The following SYT7 variants were observed in gnomAD, a reference collection of about 807,000 sequenced individuals.
The protein encoded by SYT7 is synaptotagmin-7.
In SYT7, 29 loss-of-function variants were observed where a neutral mutation model predicts 75.1. The observed-to-expected ratio is 0.39, with a 90% CI of 0.29 to 0.53. The LOEUF is 0.53. SYT7 is among the 20% of genes least tolerant of loss of function. The probability of loss-of-function intolerance (pLI) is 0.77; values close to 1 mark genes in which losing one functional copy is unlikely to be tolerated. For synonymous variants in SYT7, 376 were observed against 401.7 expected (o/e 0.94, Z 0.76); for missense variants, 693 against 953.2 (o/e 0.73, Z 3.59).
rs1268280001 is a variant in SYT7 at position 61,524,920 on chromosome 11, G to C, written c.1472-388C>G. 5.8e-6 allele frequency: 1 copy of C among 171,740 alleles called. No individual in the cohort carries two copies. The highest frequency in any genetic ancestry group is 1.3e-5 in the Non-Finnish European group (1 of 79,162). The allele number at this position is 171,740 out of a possible 1,614,324, so 10.6% of individuals were successfully genotyped here. On this transcript the variant is annotated intron_variant, in intron 9 of 12. Transcript: ENST00000539008. The surrounding 1 kb of genome is among the most constrained non-coding windows in gnomAD (Gnocchi z 4.1). ...GTCCCGAGGCGGGTCTGGGCAAGTGGCTCTGTCTAGGTGGCCACAGCTGCC... is the reference window on the plus strand; with the variant it reads ...GTCCCGAGGCGGGTCTGGGCAAGTGCCTCTGTCTAGGTGGCCACAGCTGCC...
chr11:61,564,223 C>T (rs577591987), intron 1 of SYT7, among the ~76,000 whole-genome samples: 1 of 152,294 alleles, frequency 6.6e-6, no homozygotes, highest in Admixed American at 6.5e-5. Flanking sequence ...GCTCTTTCCC[C>T]CAGAATTCAT....
chr11:61,535,902 G>C (rs1235676353), intron 7 of SYT7, among the ~76,000 whole-genome samples: 3 of 152,160 alleles, frequency 2.0e-5, no homozygotes, highest in Non-Finnish European at 4.4e-5. Flanking sequence ...AAAGGCTGAA[G>C]AGGGAGGGAC....
rs1365755001 is a variant in SYT7, at chr11:61,580,377, G to C, written c.31+413C>G. Among the ~76,000 whole-genome samples the C allele has an allele frequency of 2.6e-5, 4 of 152,082 alleles. No individual in the cohort carries two copies. The South Asian group carries it at 6.2e-4, about 24-fold the overall frequency. On this transcript the variant is annotated intron_variant, in intron 1 of 12. Coordinates refer to ENST00000539008, the MANE Select transcript of SYT7 (RefSeq NM_001365809.2). This position sits in a 1 kb window ranked among gnomAD's most constrained non-coding sequence, Gnocchi z 6.1. ...CCCCTGTGCCCGCAACCTTGGCCAA[G>C]AGCTGCCGGGATCCTCGCCCTGGGG... is the stretch of plus-strand genomic sequence containing the variant.
chr11:61,536,915 GAC>G (rs1313390341), intron 7 of SYT7, among the ~76,000 whole-genome samples: 1 of 152,190 alleles, frequency 6.6e-6, no homozygotes, highest in African/African-American at 2.4e-5. Context: ...CAGTTCACAG[GAC>G]ACATGCCCCA....
At chr11:61,559,634 TC>T (rs1418510215) in intron 1 of SYT7, among the ~76,000 whole-genome samples, 2 of 151,400 alleles carry the variant, frequency 1.3e-5, no homozygotes, top group Non-Finnish European at 2.9e-5. Context: ...CTCTCCACAC[TC>T]CCCCCTCCCC....
chr11:61,584,494 C>T (rs953184922), upstream of SYT7, among the ~76,000 whole-genome samples: 1 of 152,076 alleles, frequency 6.6e-6, no homozygotes, highest in East Asian at 1.9e-4. Context: ...ATTTGTTTAC[C>T]CTTAACAGAG....
rs780798351 is a variant in SYT7 at position 61,524,074 on chromosome 11, C to G, written c.1642-133G>C. The G allele has an allele frequency of 4.7e-5, 40 of 848,282 alleles. No individual in the cohort carries two copies. Among genetic ancestry groups the G allele is most frequent in the Non-Finnish European group, 7.0e-5 (37 of 529,620 alleles). The allele number at this position is 848,282 out of a possible 1,614,324, so 52.5% of individuals were successfully genotyped here. ...CCCTGTCTGTCACCTCTGTCTCACTCTGTCTCCCCCCATCTGGCAGGTGTG... is the reference window on the plus strand; with the variant it reads ...CCCTGTCTGTCACCTCTGTCTCACTGTGTCTCCCCCCATCTGGCAGGTGTG... On this transcript the variant is annotated intron_variant, in intron 10 of 12. Coordinates refer to ENST00000539008, the MANE Select transcript of SYT7 (RefSeq NM_001365809.2). The surrounding 1 kb of genome is among the most constrained non-coding windows in gnomAD (Gnocchi z 4.1).
chr11:61,538,389 A>AC, intron 6 of SYT7, 123 bp from the exon 7 acceptor site: 9 of 252,436 alleles, frequency 3.6e-5, no homozygotes, highest in Non-Finnish European at 5.2e-5. Context: ...GAGAGAGAGA[A>AC]AGAGAGAGAG....
intron 5 of SYT7, among the ~76,000 whole-genome samples, chr11:61,544,264 A>G (rs755828257): frequency 3.9e-5 from 6 of 152,018 alleles, no homozygotes; most frequent in African/African-American, 7.3e-5. Flanking sequence ...CACCTTCACC[A>G]CCGCAACCAG....
chr11:61,535,899 G>A (rs1021180232), intron 7 of SYT7, among the ~76,000 whole-genome samples: 1 of 152,160 alleles, frequency 6.6e-6, no homozygotes, highest in Non-Finnish European at 1.5e-5. Context: ...AGGAAAGGCT[G>A]AAGAGGGAGG....
At chr11:61,562,649 T>G (rs750873950) in intron 1 of SYT7, among the ~76,000 whole-genome samples, 29 of 152,106 alleles carry the variant, frequency 1.9e-4, no homozygotes, top group Admixed American at 5.2e-4. Flanking sequence ...ATTACTCAAT[T>G]TTGTGCACCC....
Position 61,523,067 on chromosome 11 carries a change from G to C in SYT7, c.1956+8C>G, listed in dbSNP as rs756572923. 1.2e-6 allele frequency: 2 copies of C among 1,613,914 alleles called. No individual in the cohort carries two copies. The highest frequency in any genetic ancestry group is 3.3e-5 in the Admixed American group (2 of 60,016). On this transcript the variant is annotated splice_region_variant and intron_variant, in intron 12 of 12. Coordinates refer to ENST00000539008, the MANE Select transcript of SYT7 (RefSeq NM_001365809.2). The surrounding 1 kb of genome is among the most constrained non-coding windows in gnomAD (Gnocchi z 5.0). ...GCAGGTGCACCACACCACCTGCCTC[G>C]CCCCTACCTTGCCGATGACGTCATT...
intron 1 of SYT7, among the ~76,000 whole-genome samples, chr11:61,558,712 T>C (rs1442531196): frequency 6.6e-6 from 1 of 152,040 alleles, no homozygotes; most frequent in Non-Finnish European, 1.5e-5. Flanking sequence ...CCAAAAGACC[T>C]GAGAAAAAAG....
chr11:61,549,196 C>T (rs1279013789), intron 3 of SYT7, among the ~76,000 whole-genome samples: 2 of 152,122 alleles, frequency 1.3e-5, no homozygotes, highest in African/African-American at 4.8e-5. Context: ...CACCCAGAGT[C>T]ACCACTGCCA....
At position 61,546,223 on chromosome 11, in the gene SYT7, G is replaced by A; in HGVS notation, c.380C>T (p.Ala127Val). Residue 127 changes from alanine to valine, a missense_variant, in exon 5 of 13, where the codon GCC (alanine) becomes GTC (valine). By Grantham distance (64) the Ala-to-Val change is moderately conservative (BLOSUM62 0). Transcript: ENST00000539008. This position sits in a 1 kb window ranked among gnomAD's most constrained non-coding sequence, Gnocchi z 7.6. ...CCGCTCCACCGCCAGCCCCGCCGCG[G>A]CGGCCACTTTGGCGCCCGACAGGAG... ...GTLLSGAKVA[A>V]AAGLAVEREG... 1 of 1,466,336 alleles carries A rather than the reference G, an allele frequency of 6.8e-7. No individual in the cohort carries two copies. The highest frequency in any genetic ancestry group is 1.5e-5 in the African/African-American group (1 of 68,128). The allele number at this position is 1,466,336 out of a possible 1,614,324, so 90.8% of individuals were successfully genotyped here.
At chr11:61,574,420 A>G (rs1187191168) in intron 1 of SYT7, among the ~76,000 whole-genome samples, 1 of 152,210 alleles carries the variant, frequency 6.6e-6, no homozygotes, top group Non-Finnish European at 1.5e-5. Context: ...CTGGAGGCAC[A>G]TATGTAAAGT....
intron 1 of SYT7, among the ~76,000 whole-genome samples, chr11:61,571,370 C>A (rs1293871319): frequency 6.6e-6 from 1 of 152,242 alleles, no homozygotes; most frequent in Non-Finnish European, 1.5e-5. Context: ...CATATGTCCA[C>A]AAGCATCCCA....
At chr11:61,526,184 G>A (rs1002174776) in intron 9 of SYT7, 66 of 152,234 alleles carry the variant, frequency 4.3e-4, no homozygotes, top group African/African-American at 1.6e-3. Context: ...TGGAAGAGGA[G>A]ACTCTGAATT....
chr11:61,517,769 A>G lies in SYT7; in HGVS notation c.*858T>C, dbSNP rs958793002. The G allele has an allele frequency of 1.1e-5, 4 of 375,670 alleles. No homozygotes were observed. Among genetic ancestry groups the G allele is most frequent in the Non-Finnish European group, 1.9e-5 (4 of 211,878 alleles). The allele number at this position is 375,670 out of a possible 1,614,324, so 23.3% of individuals were successfully genotyped here. On this transcript the variant is annotated 3_prime_UTR_variant, in exon 13 of 13. Transcript: ENST00000539008. ...AGTAGGTGCCTAAAAGGTGTGAGTCAGTGTTCAAGAGATGAAATTGCTGAG... is the reference window on the plus strand; with the variant it reads ...AGTAGGTGCCTAAAAGGTGTGAGTCGGTGTTCAAGAGATGAAATTGCTGAG...
Sources: allele counts gnomAD v4.1 joint callset (sites outside exome capture counted in the v4.1 genomes callset), GRCh38; gene constraint gnomAD v4.1.1; non-coding constraint Gnocchi (gnomAD v3.1); transcripts MANE v1.5; gene names NCBI Gene and HGNC (gene_info 2026-07-23, HGNC 2026-07-21).